KCND2: variants seen among roughly 807,000 people sequenced by gnomAD.
KCND2 encodes A-type voltage-gated potassium channel KCND2.
A neutral mutation model predicts 54.4 loss-of-function variants in KCND2; 16 were observed. That is an observed-to-expected ratio of 0.29 (90% CI 0.20 to 0.45). KCND2 has a LOEUF of 0.45. KCND2 is among the 20% of genes least tolerant of loss of function. The probability of loss-of-function intolerance (pLI) is 1.00; values close to 1 mark genes in which losing one functional copy is unlikely to be tolerated. For missense variants in KCND2, 486 were observed against 824.2 expected (o/e 0.59, Z 5.02); for synonymous variants, 317 against 310.7 (o/e 1.02, Z -0.21).
At position 120,313,592 on chromosome 7, in the gene KCND2, A is replaced by T. The variant is rs189999343; in HGVS notation, c.1115+37845A>T. 4.6e-5 allele frequency among the ~76,000 whole-genome samples: 7 copies of T among 152,068 alleles called. No individual in the cohort carries two copies. In the East Asian group the frequency reaches 1.4e-3, roughly 29 times the overall value. On this transcript the variant is annotated intron_variant, in intron 1 of 5. Transcript: ENST00000331113. Reference sequence around the variant, plus strand: ...AGATCTGAATGGCAAGGATGGAATGACGCCTTGAAGTAGTAGCAGCTGGGG... The same window carrying T: ...AGATCTGAATGGCAAGGATGGAATGTCGCCTTGAAGTAGTAGCAGCTGGGG...
Position 120,273,315 on chromosome 7 carries a change from G to A in KCND2, c.-1318G>A, listed in dbSNP as rs1484321039. On this transcript the variant is annotated 5_prime_UTR_variant, in exon 1 of 6. Transcript: ENST00000331113. Reference sequence around the variant, plus strand: ...GGGAAGCAGCTAGCAGCCCTCCCGCGCCCCCGCGCTGCCGAGCGCCTTCTG... The same window carrying A: ...GGGAAGCAGCTAGCAGCCCTCCCGCACCCCCGCGCTGCCGAGCGCCTTCTG... 6.6e-6 allele frequency among the ~76,000 whole-genome samples: 1 copy of A among 150,616 alleles called. No individual in the cohort carries two copies. The highest frequency in any genetic ancestry group is 1.5e-5 in the Non-Finnish European group (1 of 67,354).
At chr7:120,461,574 A>T (rs1802284302) in intron 1 of KCND2, among the ~76,000 whole-genome samples, 1 of 152,024 alleles carries the variant, frequency 6.6e-6, no homozygotes, top group Non-Finnish European at 1.5e-5. Context: ...GATTTGAGAC[A>T]TTTAGGGATG....
intron 1 of KCND2, among the ~76,000 whole-genome samples, chr7:120,471,001 A>G (rs939704475): frequency 2.0e-5 from 3 of 152,060 alleles, no homozygotes; most frequent in Non-Finnish European, 4.4e-5. Flanking sequence ...TAATATTAAA[A>G]TCATTAGATA....
intron 1 of KCND2, among the ~76,000 whole-genome samples, chr7:120,358,260 T>C (rs1337435213): frequency 6.6e-6 from 1 of 152,142 alleles, no homozygotes; most frequent in East Asian, 1.9e-4. Flanking sequence ...AAAAATCCTC[T>C]CGAAGTTGTC....
intron 1 of KCND2, among the ~76,000 whole-genome samples, chr7:120,543,692 C>G (rs61068904): frequency 0.027 from 4,057 of 152,016 alleles, 161 homozygotes; most frequent in African/African-American, 0.091. Flanking sequence ...ACAATGTGTG[C>G]TTTATTTGAA....
intron 1 of KCND2, among the ~76,000 whole-genome samples, chr7:120,577,107 A>G (rs975436507): frequency 1.1e-4 from 17 of 152,150 alleles, no homozygotes; most frequent in Non-Finnish European, 2.5e-4. Flanking sequence ...AGACTGTGCC[A>G]CTGCACTCCA....
chr7:120,671,216 G>A (rs1458480037), intron 1 of KCND2, among the ~76,000 whole-genome samples: 1 of 152,118 alleles, frequency 6.6e-6, no homozygotes, highest in Admixed American at 6.5e-5. Context: ...GTCCGGTTTC[G>A]TGGAAGACAG....
At chr7:120,357,816 T>C (rs1800527619) in intron 1 of KCND2, among the ~76,000 whole-genome samples, 1 of 152,108 alleles carries the variant, frequency 6.6e-6, no homozygotes, top group Non-Finnish European at 1.5e-5. Context: ...CTCTGTCTCC[T>C]CTTATAAGGA....
intron 1 of KCND2, among the ~76,000 whole-genome samples, chr7:120,440,514 T>G (rs950270950): frequency 6.6e-6 from 1 of 152,106 alleles, no homozygotes; most frequent in Non-Finnish European, 1.5e-5. Flanking sequence ...TTGTCTATGT[T>G]GGCTTTTTTA....
chr7:120,671,304 A>G (rs992831725), intron 1 of KCND2, among the ~76,000 whole-genome samples: 4 of 152,176 alleles, frequency 2.6e-5, no homozygotes, highest in African/African-American at 9.6e-5. Flanking sequence ...TGGGTTTGCC[A>G]TACTGTGAGA....
intron 1 of KCND2, among the ~76,000 whole-genome samples, chr7:120,437,239 G>T: frequency 1.6e-5 from 2 of 126,630 alleles, no homozygotes; most frequent in Admixed American, 9.5e-5. Flanking sequence ...ATCTTGCTCT[G>T]CTGCCCAGGC....
At chr7:120,713,400 A>G (rs1050796119) in intron 1 of KCND2, among the ~76,000 whole-genome samples, 4 of 152,166 alleles carry the variant, frequency 2.6e-5, no homozygotes, top group African/African-American at 7.2e-5. Flanking sequence ...ATTGAGTACA[A>G]TGTCACATGG....
chr7:120,579,670 T>C (rs2116441096), intron 1 of KCND2, among the ~76,000 whole-genome samples: 1 of 150,996 alleles, frequency 6.6e-6, no homozygotes, highest in East Asian at 1.9e-4. Flanking sequence ...AAAAATTAAA[T>C]TGTCCTTTAA....
chr7:120,593,142 G>A (rs560228406), intron 1 of KCND2, among the ~76,000 whole-genome samples: 125 of 152,158 alleles, frequency 8.2e-4, no homozygotes, highest in Middle Eastern at 6.8e-3. Context: ...ACCCTATTTC[G>A]TTTAGCTCAG....
intron 1 of KCND2, among the ~76,000 whole-genome samples, chr7:120,462,533 C>A (rs1023893336): frequency 3.3e-5 from 5 of 151,876 alleles, no homozygotes; most frequent in Admixed American, 3.3e-4. Context: ...ATTACCATTT[C>A]TGATAATTCT....
rs922770336 is a variant in KCND2 at position 120,561,421 on chromosome 7, C to G, written c.1116-171482C>G. On this transcript the variant is annotated intron_variant, in intron 1 of 5. Transcript: ENST00000331113. ...TACTATATTAGGCACTGATCTAAGTCTTTATCAAAACTAATCCTCAAACCA... is the reference window on the plus strand; with the variant it reads ...TACTATATTAGGCACTGATCTAAGTGTTTATCAAAACTAATCCTCAAACCA... 4.6e-5 allele frequency among the ~76,000 whole-genome samples: 7 copies of G among 152,076 alleles called. No homozygotes were observed. In the East Asian group the frequency reaches 1.4e-3, roughly 29 times the overall value.
chr7:120,648,458 G>T (rs1004100443), intron 1 of KCND2, among the ~76,000 whole-genome samples: 4 of 151,816 alleles, frequency 2.6e-5, no homozygotes, highest in African/African-American at 9.7e-5. Flanking sequence ...GAAGAGGAGT[G>T]TAAAAAGGCA....
intron 1 of KCND2, among the ~76,000 whole-genome samples, chr7:120,635,094 A>G (rs1017276780): frequency 6.6e-6 from 1 of 152,210 alleles, no homozygotes; most frequent in Admixed American, 6.5e-5. Context: ...CTGCTAGTAA[A>G]TAACTTTTAC....
rs145626165 is a variant in KCND2 at position 120,349,327 on chromosome 7, A to AACACAC, written c.1115+73598_1115+73603dup. ...ACACACAAACACACACACACACACA[A>AACACAC]ACACACACACACACACACACACAGA... is the stretch of plus-strand genomic sequence containing the variant. On this transcript the variant is annotated intron_variant, in intron 1 of 5. Transcript: ENST00000331113. Among the ~76,000 whole-genome samples, 857 of 144,522 alleles carry AACACAC rather than the reference A, an allele frequency of 5.9e-3. 14 individuals are homozygous for AACACAC. Among genetic ancestry groups the AACACAC allele is most frequent in the East Asian group, 0.028 (139 of 4,972 alleles). The allele number at this position is 144,522 out of a possible 152,430, so 94.8% of individuals were successfully genotyped here.
Sources: gnomAD v4.1 joint callset for allele counts (sites outside exome capture counted in the v4.1 genomes callset) on GRCh38, gnomAD v4.1.1 for gene constraint, MANE v1.5 for transcripts, NCBI Gene and HGNC (gene_info 2026-07-23, HGNC 2026-07-21) for gene names.